LARP6: variants seen among roughly 807,000 people sequenced by gnomAD.
LARP6 encodes the protein la-related protein 6.
A neutral mutation model predicts 32.8 loss-of-function variants in LARP6; 18 were observed. The ratio of observed to expected loss-of-function variants is 0.55; its 90% CI spans 0.38 to 0.81. The LOEUF (loss-of-function observed/expected upper bound fraction) is 0.81, where lower values mean the gene tolerates loss of function less well. Among genes scored for constraint, LARP6 ranks in the 40% least tolerant of loss-of-function variants. The pLI is 0.00. For missense variants in LARP6, 598 were observed against 663.1 expected (o/e 0.90, Z 1.08); for synonymous variants, 289 against 267.2 (o/e 1.08, Z -0.80).
intron 1 of LARP6, chr15:70,851,738 T>A: frequency 6.2e-7 from 1 of 1,613,966 alleles, no homozygotes; most frequent in Non-Finnish European, 8.5e-7. Flanking sequence ...GGAGACACAA[T>A]GATAGAATCA....
At chr15:70,853,556 C>G (rs1347006031) in intron 1 of LARP6, 1 of 198,224 alleles carries the variant, frequency 5.0e-6, no homozygotes, top group African/African-American at 2.3e-5. Context: ...AGGGAGCCCA[C>G]AGAGAAGAGG....
At chr15:70,842,677 TCA>T (rs2032278747) in intron 1 of LARP6, among the ~76,000 whole-genome samples, 1 of 152,200 alleles carries the variant, frequency 6.6e-6, no homozygotes, top group Admixed American at 6.5e-5. Flanking sequence ...GACCTTCCTT[TCA>T]CACAGTCTCA....
At chr15:70,851,906 G>A in intron 1 of LARP6, 1 of 871,222 alleles carries the variant, frequency 1.1e-6, no homozygotes, top group South Asian at 1.7e-5. Context: ...AGGACCTAGA[G>A]GTGGGGGTGC....
chr15:70,840,706 CA>C lies in LARP6; in HGVS notation c.201-4202del, dbSNP rs573526344. On this transcript the variant is annotated intron_variant, in intron 1 of 2. Transcript: ENST00000299213. The stretch of plus-strand genomic sequence containing the variant: ...GCCGGTGAAGAGTTTTGAGCAGACT[CA>C]GGGGTATTGGCAAATGGTCTAACTT... Among the ~76,000 whole-genome samples, 76 of 152,258 alleles carry C rather than the reference CA, an allele frequency of 5.0e-4. 3 individuals carry two copies. In the East Asian group the frequency reaches 0.013, roughly 26 times the overall value.
Position 70,832,769 on chromosome 15 carries a change from C to G in LARP6, c.759G>C (p.Val253=). The change falls in exon 3 of 3, where the codon GTG becomes GTC. Residue 253 remains valine, a synonymous_variant. Transcript: ENST00000299213. The part of the protein sequence containing the change: ...IRRISSRYSQ[V]GTQECAIVEF... ...CCACGATGGCGCACTCCTGGGTCCC[C>G]ACTTGGCTGTAGCGGCTGCTGATCC... 1.9e-6 allele frequency: 3 copies of G among 1,605,844 alleles called. No homozygotes were observed. The highest frequency in any genetic ancestry group is 2.5e-6 in the Non-Finnish European group (3 of 1,176,752).
chr15:70,845,961 T>A (rs2032338158), intron 1 of LARP6, among the ~76,000 whole-genome samples: 1 of 152,244 alleles, frequency 6.6e-6, no homozygotes, highest in Non-Finnish European at 1.5e-5. Context: ...TAGAAAATAA[T>A]CTTGTCTCTT....
chr15:70,853,568 C>G, intron 1 of LARP6: 1 of 212,030 alleles, frequency 4.7e-6, no homozygotes, highest in Non-Finnish European at 9.3e-6. Flanking sequence ...GAGAAGAGGC[C>G]TCCTCCAGAG....
intron 1 of LARP6, among the ~76,000 whole-genome samples, chr15:70,844,570 G>A (rs1189048476): frequency 6.6e-6 from 1 of 152,122 alleles, no homozygotes; most frequent in African/African-American, 2.4e-5. Flanking sequence ...ACAGGGCTAA[G>A]TCATTTGCTA....
intron 1 of LARP6, among the ~76,000 whole-genome samples, chr15:70,836,774 T>G (rs529184265): frequency 3.4e-4 from 51 of 152,138 alleles, no homozygotes; most frequent in African/African-American, 1.2e-3. Flanking sequence ...AGGGAGAGAC[T>G]GGGGTGATGT....
At position 70,837,361 on chromosome 15, in the gene LARP6, A is replaced by G. The variant is rs1265835978; in HGVS notation, c.201-856T>C. Among the ~76,000 whole-genome samples the G allele has an allele frequency of 3.3e-5, 5 of 152,246 alleles. No individual in the cohort carries two copies. In the South Asian group the frequency reaches 8.3e-4, roughly 25 times the overall value. ...TTGCACCACTGTACCCCAGACTGGGAGACACAGTGAGACCCTGTCTCAAAA... is the reference window on the plus strand; with the variant it reads ...TTGCACCACTGTACCCCAGACTGGGGGACACAGTGAGACCCTGTCTCAAAA... On this transcript the variant is annotated intron_variant, in intron 1 of 2. Coordinates refer to ENST00000299213, the MANE Select transcript of LARP6 (RefSeq NM_018357.4).
chr15:70,832,022 A>G lies in LARP6; in HGVS notation c.*30T>C. ...AACCTTGAAAACGAAGGTGGTTTTC[A>G]GTGGAGCTTGTATTAAAAATAGAAG... On this transcript the variant is annotated 3_prime_UTR_variant, in exon 3 of 3. Coordinates refer to ENST00000299213, the MANE Select transcript of LARP6 (RefSeq NM_018357.4). The G allele has an allele frequency of 2.1e-6, 3 of 1,419,448 alleles. No individual in the cohort carries two copies. Among genetic ancestry groups the G allele is most frequent in the African/African-American group, 1.4e-5 (1 of 69,386 alleles). 87.9% of individuals were successfully genotyped at this position (1,419,448 alleles called of 1,614,324 possible).
intron 1 of LARP6, among the ~76,000 whole-genome samples, chr15:70,836,951 T>A (rs1232329532): frequency 6.6e-6 from 1 of 152,158 alleles, no homozygotes; most frequent in Non-Finnish European, 1.5e-5. Flanking sequence ...TTCTAAACCA[T>A]CCAGCTCATG....
Position 70,851,709 on chromosome 15 carries a change from G to A in LARP6, c.200+2180C>T, listed in dbSNP as rs149333311. ...AGCAAGCATGGTCCTTGAATTCACC[G>A]AGCTCCTATTCCTGTGAGGGAGACA... is the stretch of plus-strand genomic sequence containing the variant. On this transcript the variant is annotated intron_variant, in intron 1 of 2. Transcript: ENST00000299213. The A allele has an allele frequency of 2.3e-3, 3,632 of 1,614,104 alleles. 18 individuals are homozygous for A. Among genetic ancestry groups the A allele is most frequent in the Non-Finnish European group, 1.8e-3 (2,109 of 1,179,990 alleles).
chr15:70,852,383 C>A, intron 1 of LARP6: 1 of 421,944 alleles, frequency 2.4e-6, no homozygotes, highest in Non-Finnish European at 4.7e-6. Context: ...CATACTGAGG[C>A]TTGGTTTCTC....
chr15:70,843,947 C>T (rs1177813316), intron 1 of LARP6, among the ~76,000 whole-genome samples: 3 of 146,270 alleles, frequency 2.1e-5, no homozygotes, highest in African/African-American at 5.1e-5. Flanking sequence ...TGAGCAACCG[C>T]GCCCGACCTT....
Position 70,831,834 on chromosome 15 carries a change from T to C in LARP6, c.*218A>G, listed in dbSNP as rs2032045285. The C allele has an allele frequency of 2.6e-6, 1 of 383,012 alleles. No homozygotes were observed. Among genetic ancestry groups the C allele is most frequent in the Non-Finnish European group, 4.6e-6 (1 of 216,174 alleles). The allele number at this position is 383,012 out of a possible 1,614,324, so 23.7% of individuals were successfully genotyped here. ...CACACATCAGCCATCATCAAAATAG[T>C]GGCCATGCTGGGAAGAACAGGAGTC... On this transcript the variant is annotated 3_prime_UTR_variant, in exon 3 of 3. Coordinates refer to ENST00000299213, the MANE Select transcript of LARP6 (RefSeq NM_018357.4).
In LARP6 at chr15:70,853,926, C is replaced by G; in HGVS notation, c.163G>C (p.Gly55Arg). ...CTCGGCTCCTCCTCGCTCGCGCTGC[C>G]CCAGCCGGGGCTGAGGTACCGGGCC... ...DPARYLSPGW[G>R]SASEEEPSRG... The change falls in exon 1 of 3, where the codon GGC becomes CGC. Residue 55 changes from glycine (G) to arginine (R), a missense_variant. Gly to Arg is a moderately radical substitution (Grantham distance 125). Around this residue, in one of 3 missense-constraint regions of LARP6, gnomAD observed 161 missense variants for 148.6 expected, o/e 1.08. Coordinates refer to ENST00000299213, the MANE Select transcript of LARP6 (RefSeq NM_018357.4). 1 of 1,412,218 alleles carries G rather than the reference C, an allele frequency of 7.1e-7. No individual in the cohort carries two copies. The highest frequency in any genetic ancestry group is 1.5e-5 in the South Asian group (1 of 67,884). The allele number at this position is 1,412,218 out of a possible 1,614,324, so 87.5% of individuals were successfully genotyped here. A position where few individuals can be genotyped will look rare whatever the true frequency, so the allele number is the denominator to read the frequency against.
At chr15:70,842,985 G>C (rs937825701) in intron 1 of LARP6, among the ~76,000 whole-genome samples, 2 of 152,110 alleles carry the variant, frequency 1.3e-5, no homozygotes, top group Non-Finnish European at 2.9e-5. Flanking sequence ...GCCTTCAAAT[G>C]GGAAAAGATA....
intron 1 of LARP6, among the ~76,000 whole-genome samples, chr15:70,844,214 C>T (rs550065769): frequency 1.5e-4 from 23 of 152,304 alleles, no homozygotes; most frequent in African/African-American, 4.8e-4. Flanking sequence ...GCCTCAGCCT[C>T]CCAATGTGCT....
Sources: allele counts gnomAD v4.1 joint callset (sites outside exome capture counted in the v4.1 genomes callset), GRCh38; gene constraint gnomAD v4.1.1; regional missense constraint gnomAD v4.1.1; transcripts MANE v1.5; gene names NCBI Gene and HGNC (gene_info 2026-07-23, HGNC 2026-07-21).